Variants in PNPLA7 observed in about 807,000 individuals in gnomAD.
The protein encoded by PNPLA7 is patatin-like phospholipase domain-containing protein 7.
PNPLA7 carries 153 observed loss-of-function variants against 161.7 expected under a neutral mutation model. That is an observed-to-expected ratio of 0.95 (90% CI 0.83 to 1.08). The LOEUF (loss-of-function observed/expected upper bound fraction) is 1.08, where lower values mean the gene tolerates loss of function less well. Ranked by LOEUF, PNPLA7 falls within the 50% of genes least tolerant of loss-of-function variation. The pLI, the probability that PNPLA7 is intolerant of heterozygous loss-of-function variation, is 0.00. For missense variants in PNPLA7, 1,739 were observed against 1,856.6 expected (o/e 0.94, Z 1.16); for synonymous variants, 809 against 782.1 (o/e 1.03, Z -0.57).
chr9:137,507,034 T>C (rs571832663), intron 12 of PNPLA7, among the ~76,000 whole-genome samples: 1 of 152,328 alleles, frequency 6.6e-6, no homozygotes, highest in South Asian at 2.1e-4. Context: ...AGCACAGCCA[T>C]GTGCCCCTCC....
rs891417216 is a variant in PNPLA7, at chr9:137,467,470, G to A, written c.2886C>T (p.Gly962=). 10 of 1,612,840 alleles carry A rather than the reference G, an allele frequency of 6.2e-6. No homozygotes were observed. Among genetic ancestry groups the A allele is most frequent in the Non-Finnish European group, 8.5e-6 (10 of 1,179,924 alleles). ...ALVLGGGGAR[G]CAQVGVLKAL... ...CCTTGAGAACGCCCACCTGGGCACAGCCTCTACACCAGCCAGGGACACAGA... is the reference window on the plus strand; with the variant it reads ...CCTTGAGAACGCCCACCTGGGCACAACCTCTACACCAGCCAGGGACACAGA... Residue 962 remains glycine (G), a synonymous_variant, in exon 26 of 35, where the codon GGC becomes GGT. Coordinates refer to ENST00000406427, the MANE Select transcript of PNPLA7 (RefSeq NM_001098537.3). The surrounding 1 kb of genome is among the most constrained non-coding windows in gnomAD (Gnocchi z 5.1).
At position 137,490,093 on chromosome 9, in the gene PNPLA7, CT is replaced by C. The variant is rs1832692185; in HGVS notation, c.2197+2919del. Among the ~76,000 whole-genome samples the C allele has an allele frequency of 6.6e-6, 1 of 152,156 alleles. No homozygotes were observed. The highest frequency in any genetic ancestry group is 1.5e-5 in the Non-Finnish European group (1 of 68,034). ...GAAAACTAAAGACAGAGAAAAACAC[CT>C]TTTTGTGTGTGTGTTTTGAGGCAGG... On this transcript the variant is annotated intron_variant, in intron 20 of 34. Transcript: ENST00000406427. This position sits in a 1 kb window ranked among gnomAD's most constrained non-coding sequence, Gnocchi z 4.1.
intron 14 of PNPLA7, 88 bp downstream of exon 14, chr9:137,505,526 A>T: frequency 6.7e-7 from 1 of 1,503,296 alleles, no homozygotes; most frequent in East Asian, 2.3e-5. Flanking sequence ...ACTGTCCTCC[A>T]CACCTGGAAC....
In PNPLA7 at chr9:137,499,749, G is replaced by A. The variant is rs545201998; in HGVS notation, c.1757+942C>T. On this transcript the variant is annotated intron_variant, in intron 16 of 34. Transcript: ENST00000406427. The surrounding 1 kb of genome is among the most constrained non-coding windows in gnomAD (Gnocchi z 5.5). The stretch of plus-strand genomic sequence containing the variant: ...CCCCAGGCTGAAGCAGCAACGGCGC[G>A]GTGCCATTTGCTGGATTACAGGCGT... 8.5e-5 allele frequency among the ~76,000 whole-genome samples: 13 copies of A among 152,340 alleles called. No homozygotes were observed. The highest frequency in any genetic ancestry group is 4.1e-4 in the South Asian group (2 of 4,826).
intron 7 of PNPLA7, 136 bp downstream of exon 7, chr9:137,542,506 G>T: frequency 2.0e-6 from 2 of 997,860 alleles, no homozygotes; most frequent in African/African-American, 1.6e-5. Context: ...AAATAAAAAC[G>T]GTGAGTTTTC....
chr9:137,539,202 G>A (rs1022161828), intron 8 of PNPLA7, among the ~76,000 whole-genome samples: 1 of 152,090 alleles, frequency 6.6e-6, no homozygotes, highest in African/African-American at 2.4e-5. Flanking sequence ...AATTAGCTGG[G>A]CATGGTGGCG....
chr9:137,548,882 C>T (rs1256081818), intron 1 of PNPLA7, among the ~76,000 whole-genome samples: 1 of 152,180 alleles, frequency 6.6e-6, no homozygotes, highest in African/African-American at 2.4e-5. Flanking sequence ...AAATACAAGC[C>T]CTGGGAGCTT....
rs1015566497 is a variant in PNPLA7, at chr9:137,547,979, A to G, written c.31-320T>C. Among the ~76,000 whole-genome samples, 2 of 152,054 alleles carry G rather than the reference A, an allele frequency of 1.3e-5. No homozygotes were observed. The highest frequency in any genetic ancestry group is 2.4e-5 in the African/African-American group (1 of 41,394). ...CAGGGAGCAGGCCTGGCCAAAGGGG[A>G]GGCCAAGGCCCCCCTCTCAGTGTCG... On this transcript the variant is annotated intron_variant, in intron 1 of 34. Transcript: ENST00000406427. The surrounding 1 kb of genome is among the most constrained non-coding windows in gnomAD (Gnocchi z 4.6).
intron 4 of PNPLA7, among the ~76,000 whole-genome samples, chr9:137,545,405 T>G (rs1395740281): frequency 2.0e-5 from 3 of 152,166 alleles, no homozygotes; most frequent in Non-Finnish European, 4.4e-5. Context: ...CAGGAACCTC[T>G]GGCCGAGCGT....
At chr9:137,544,958 A>G (rs1836414530) in intron 4 of PNPLA7, among the ~76,000 whole-genome samples, 2 of 151,910 alleles carry the variant, frequency 1.3e-5, no homozygotes, top group South Asian at 4.2e-4. Flanking sequence ...GAGTTTTTCA[A>G]TTTTCTATGA....
At chr9:137,463,274 G>C in intron 29 of PNPLA7, 141 bp downstream of exon 29, 1 of 753,684 alleles carries the variant, frequency 1.3e-6, no homozygotes, top group East Asian at 2.7e-5. Flanking sequence ...ATGCCAGCCT[G>C]ACATTTTCCC....
Position 137,515,473 on chromosome 9 carries a change from C to T in PNPLA7, c.1131G>A (p.Arg377=). ...TGGAAGGCGCGGGGACGGAGTGGCT[C>T]CTCTTCAGCAGGGGCCCAGCAGCTG... is the stretch of plus-strand genomic sequence containing the variant. The part of the protein sequence containing the change: ...RPAAAGPLLK[R]SHSVPAPSIR... Residue 377 remains arginine, a synonymous_variant, in exon 12 of 35, where the codon AGG becomes AGA. Transcript: ENST00000406427. The T allele has an allele frequency of 6.3e-7, 1 of 1,583,682 alleles. No homozygotes were observed. The highest frequency in any genetic ancestry group is 1.2e-5 in the South Asian group (1 of 86,594).
At chr9:137,482,570 C>T (rs1369049104) in intron 21 of PNPLA7, among the ~76,000 whole-genome samples, 2 of 152,250 alleles carry the variant, frequency 1.3e-5, no homozygotes, top group Non-Finnish European at 2.9e-5. Flanking sequence ...GCCGGCAAGC[C>T]GGGGTGCTGG....
Position 137,528,687 on chromosome 9 carries a change from T to C in PNPLA7, c.748-5830A>G, listed in dbSNP as rs113027016. Among the ~76,000 whole-genome samples the C allele has an allele frequency of 3.5e-3, 528 of 151,956 alleles. 5 individuals are homozygous for C. The highest frequency in any genetic ancestry group is 0.013 in the Admixed American group (195 of 15,252). The stretch of plus-strand genomic sequence containing the variant: ...AGTTTTCTTTTAATTGGGGCTTTCA[T>C]GATATATCTTCTTCCAGCCTTTTTT... On this transcript the variant is annotated intron_variant, in intron 8 of 34. Coordinates refer to ENST00000406427, the MANE Select transcript of PNPLA7 (RefSeq NM_001098537.3).
chr9:137,532,304 G>A (rs1382819744), intron 8 of PNPLA7, among the ~76,000 whole-genome samples: 3 of 152,142 alleles, frequency 2.0e-5, no homozygotes, highest in Admixed American at 6.5e-5. Flanking sequence ...GGGCATGCTG[G>A]TGTATACCTG....
intron 25 of PNPLA7, among the ~76,000 whole-genome samples, chr9:137,475,010 C>CAA (rs58417100): frequency 0.037 from 2,349 of 63,076 alleles, 159 homozygotes; most frequent in African/African-American, 0.057. Context: ...GACTCTGCCT[C>CAA]AAAAAAAAAA....
intron 19 of PNPLA7, among the ~76,000 whole-genome samples, chr9:137,493,369 C>A (rs1832876299): frequency 6.6e-6 from 1 of 152,196 alleles, no homozygotes; most frequent in African/African-American, 2.4e-5. Flanking sequence ...CCCAGGCCAG[C>A]CTCTCACTCT....
At chr9:137,528,826 C>A (rs1421329911) in intron 8 of PNPLA7, among the ~76,000 whole-genome samples, 1 of 151,780 alleles carries the variant, frequency 6.6e-6, no homozygotes. Flanking sequence ...TCAGCCTCCA[C>A]AGTAGCTGGG....
In PNPLA7 at chr9:137,462,033, G is replaced by GCCCACTT. The variant is rs749368083; in HGVS notation, c.3647_3653dup (p.Tyr1219SerfsTer11). Reference sequence around the variant, plus strand: ...CAAACACCGTGCGCCCGTGCTGGTAGCCCACTTCCTGTGCACACCCCCAGG... The same window carrying GCCCACTT: ...CAAACACCGTGCGCCCGTGCTGGTAGCCCACTTCCCACTTCCTGTGCACACCCCCAGG... On this transcript the variant is annotated frameshift_variant, in exon 32 of 35. Transcript: ENST00000406427. LOFTEE classifies it high-confidence loss of function. 4.4e-6 allele frequency: 7 copies of GCCCACTT among 1,595,178 alleles called. No individual in the cohort carries two copies. Among genetic ancestry groups the GCCCACTT allele is most frequent in the Non-Finnish European group, 6.0e-6 (7 of 1,171,930 alleles).
Sources: allele counts gnomAD v4.1 joint callset (sites outside exome capture counted in the v4.1 genomes callset), GRCh38; gene constraint gnomAD v4.1.1; non-coding constraint Gnocchi (gnomAD v3.1); transcripts MANE v1.5; gene names NCBI Gene and HGNC (gene_info 2026-07-23, HGNC 2026-07-21).